PLCB4: variants seen among roughly 807,000 people sequenced by gnomAD.
PLCB4 encodes the protein phospholipase C beta 4, also known as 1-phosphatidylinositol 4,5-bisphosphate phosphodiesterase beta-4.
A neutral mutation model predicts 178.8 loss-of-function variants in PLCB4; 77 were observed. That is an observed-to-expected ratio of 0.43 (90% CI 0.36 to 0.52). The LOEUF (loss-of-function observed/expected upper bound fraction) is 0.52. Ranked by LOEUF, PLCB4 falls within the 20% of genes least tolerant of loss-of-function variation. The probability of loss-of-function intolerance (pLI) is 0.00; values close to 1 mark genes in which losing one functional copy is unlikely to be tolerated. For missense variants in PLCB4, 1,024 were observed against 1,453.4 expected (o/e 0.70, Z 4.80); for synonymous variants, 496 against 490.8 (o/e 1.01, Z -0.14).
chr20:9,356,361 T>C (rs2034822580), intron 7 of PLCB4, among the ~76,000 whole-genome samples: 1 of 152,314 alleles, frequency 6.6e-6, no homozygotes, highest in Admixed American at 6.5e-5. Flanking sequence ...ATGTTGGTGG[T>C]GATTTATCTA....
chr20:9,255,695 G>A (rs1295898998), intron 3 of PLCB4, among the ~76,000 whole-genome samples: 4 of 151,868 alleles, frequency 2.6e-5, no homozygotes, highest in Admixed American at 2.0e-4. Context: ...TCTGTAAATG[G>A]CCAGATAGTG....
chr20:9,091,196 G>A (rs1188023040), intron 1 of PLCB4, among the ~76,000 whole-genome samples: 3 of 144,002 alleles, frequency 2.1e-5, no homozygotes, highest in African/African-American at 7.7e-5. Context: ...TCATTTCTAG[G>A]TCATACAAGT....
intron 2 of PLCB4, among the ~76,000 whole-genome samples, chr20:9,163,605 T>C (rs1161200139): frequency 6.6e-6 from 1 of 152,134 alleles, no homozygotes; most frequent in Non-Finnish European, 1.5e-5. Flanking sequence ...TAATAAATTT[T>C]TGTAAATGGG....
rs181067602 is a variant in PLCB4 at position 9,312,019 on chromosome 20, A to G, written c.84+4121A>G. Among the ~76,000 whole-genome samples the G allele has an allele frequency of 1.2e-3, 185 of 152,262 alleles. 1 individual carries two copies. Among genetic ancestry groups the G allele is most frequent in the African/African-American group, 4.0e-3 (165 of 41,552 alleles). On this transcript the variant is annotated intron_variant, in intron 4 of 39. Transcript: ENST00000378473. ...CCTAGTGGCTTTCTTATTGGATGGC[A>G]TAGATAATCAACTCAAACTACAACC...
intron 32 of PLCB4, among the ~76,000 whole-genome samples, chr20:9,450,658 C>CTTTTTTTTTTTTTTTTTTTTTTTTT (rs60982044): frequency 1.0e-5 from 1 of 100,248 alleles, no homozygotes; most frequent in Non-Finnish European, 2.1e-5. Context: ...CTTTTCTTTT[C>CTTTTTTTTTTTTTTTTTTTTTTTTT]TTTTTTTTTT....
chr20:9,194,819 A>T (rs1015258064), intron 2 of PLCB4, among the ~76,000 whole-genome samples: 8 of 152,198 alleles, frequency 5.3e-5, no homozygotes, highest in African/African-American at 1.9e-4. Context: ...ATAAAAGGAA[A>T]ATACATGGGG....
chr20:9,261,402 A>G lies in PLCB4; in HGVS notation c.-16+43950A>G, dbSNP rs2094296146. Among the ~76,000 whole-genome samples, 6 of 152,304 alleles carry G rather than the reference A, an allele frequency of 3.9e-5. 1 individual carries two copies. The South Asian group carries it at 1.2e-3, about 32-fold the overall frequency. On this transcript the variant is annotated intron_variant, in intron 3 of 39. Transcript: ENST00000378473. ...ATAATATTTTGTTGTATTTATTTCT[A>G]GAATGTCTAGACATATACATATAAC... is the stretch of plus-strand genomic sequence containing the variant.
intron 3 of PLCB4, among the ~76,000 whole-genome samples, chr20:9,298,052 T>C (rs2147808669): frequency 6.6e-6 from 1 of 152,194 alleles, no homozygotes; most frequent in African/African-American, 2.4e-5. Flanking sequence ...TTGAGAAAAC[T>C]GCAGAAGCTG....
chr20:9,238,013 G>A (rs1243520745), intron 3 of PLCB4, among the ~76,000 whole-genome samples: 3 of 152,132 alleles, frequency 2.0e-5, no homozygotes, highest in African/African-American at 7.2e-5. Context: ...TCACGTAGAG[G>A]CATGCAGGTT....
At chr20:9,266,558 T>A (rs986669513) in intron 3 of PLCB4, among the ~76,000 whole-genome samples, 2 of 152,192 alleles carry the variant, frequency 1.3e-5, no homozygotes, top group African/African-American at 4.8e-5. Context: ...TTTACCTGTT[T>A]GGGGCTTTTA....
chr20:9,266,256 T>C (rs1432774230), intron 3 of PLCB4, among the ~76,000 whole-genome samples: 1 of 152,178 alleles, frequency 6.6e-6, no homozygotes, highest in Non-Finnish European at 1.5e-5. Context: ...CTGCTTTTTT[T>C]TGTTGTTGTT....
chr20:9,289,723 G>A (rs1047636850), intron 3 of PLCB4, among the ~76,000 whole-genome samples: 2 of 152,022 alleles, frequency 1.3e-5, no homozygotes, highest in Non-Finnish European at 2.9e-5. Flanking sequence ...TGAGAACCAA[G>A]GTCAGACAAT....
intron 30 of PLCB4, among the ~76,000 whole-genome samples, chr20:9,443,472 A>T (rs1175017018): frequency 6.6e-6 from 1 of 152,178 alleles, no homozygotes; most frequent in Non-Finnish European, 1.5e-5. Flanking sequence ...TCTCCATAGA[A>T]TTGCCCTGGG....
At chr20:9,199,281 A>G (rs2093512112) in intron 2 of PLCB4, among the ~76,000 whole-genome samples, 1 of 152,214 alleles carries the variant, frequency 6.6e-6, no homozygotes, top group African/African-American at 2.4e-5. Flanking sequence ...GCCTTGGGAA[A>G]GAAGGATATA....
At chr20:9,267,797 C>T (rs1225447137) in intron 3 of PLCB4, among the ~76,000 whole-genome samples, 1 of 152,106 alleles carries the variant, frequency 6.6e-6, no homozygotes, top group Non-Finnish European at 1.5e-5. Flanking sequence ...CATGATGGCC[C>T]TGCCCTCATG....
chr20:9,343,436 G>T (rs1293104839), intron 7 of PLCB4, among the ~76,000 whole-genome samples: 1 of 152,038 alleles, frequency 6.6e-6, no homozygotes, highest in Non-Finnish European at 1.5e-5. Flanking sequence ...ATTCAAGTGG[G>T]TGCTTTAAGA....
In PLCB4 at chr20:9,380,061, G is replaced by A. The variant is rs868574937; in HGVS notation, c.752G>A (p.Arg251Gln). 4 of 1,562,314 alleles carry A rather than the reference G, an allele frequency of 2.6e-6. No homozygotes were observed. The highest frequency in any genetic ancestry group is 3.5e-6 in the Non-Finnish European group (4 of 1,139,658). Residue 251 changes from arginine to glutamine, a missense_variant, in exon 13 of 40, where the codon CGA (arginine) becomes CAA (glutamine). Physicochemically the swap from Arg to Gln is conservative, Grantham distance 43 (BLOSUM62 1). This residue lies in a region of PLCB4 where 4 missense variants were observed against 16.5 expected (regional missense o/e 0.24). Transcript: ENST00000378473. The part of the protein sequence containing the change: ...QLVSFLNEHQ[R>Q]DPRLNEILFP... ...GTTATTTTCTTATCATAGCATCAAC[G>A]AGATCCTCGATTGAATGAAATTTTA... is the stretch of plus-strand genomic sequence containing the variant.
chr20:9,138,187 C>T lies in PLCB4; in HGVS notation c.-79+41845C>T, dbSNP rs1461170619. Among the ~76,000 whole-genome samples the T allele has an allele frequency of 2.0e-5, 3 of 151,966 alleles. No individual in the cohort carries two copies. In the East Asian group the frequency reaches 5.8e-4, roughly 29 times the overall value. On this transcript the variant is annotated intron_variant, in intron 2 of 39. Transcript: ENST00000378473. ...AAGGAAGGTGTGCATTTCCTGGTGG[C>T]TTGAAGATTCAGTGAGAAATATGAT...
At chr20:9,388,276 G>A (rs886600018) in intron 15 of PLCB4, among the ~76,000 whole-genome samples, 2 of 152,202 alleles carry the variant, frequency 1.3e-5, no homozygotes, top group African/African-American at 4.8e-5. Flanking sequence ...AATGAGGTTA[G>A]ACAAATCAAA....
Sources: allele counts gnomAD v4.1 joint callset (sites outside exome capture counted in the v4.1 genomes callset), GRCh38; gene constraint gnomAD v4.1.1; regional missense constraint gnomAD v4.1.1; transcripts MANE v1.5; gene names NCBI Gene and HGNC (gene_info 2026-07-23, HGNC 2026-07-21).